Variants in MTCH2 observed in about 807,000 individuals in gnomAD.
MTCH2 encodes mitochondrial carrier 2.
In MTCH2, 25 loss-of-function variants were observed where a neutral mutation model predicts 50.6. The observed-to-expected ratio is 0.49, with a 90% CI of 0.36 to 0.69. MTCH2 has a LOEUF of 0.69. MTCH2 is among the 30% of genes least tolerant of loss of function. The probability of loss-of-function intolerance (pLI) is 0.00; values close to 1 mark genes in which losing one functional copy is unlikely to be tolerated. For synonymous variants in MTCH2, 106 were observed against 132.0 expected, an observed-to-expected ratio of 0.80 and a Z score of 1.35; for missense variants, 273 against 384.4, an observed-to-expected ratio of 0.71 and a Z score of 2.42.
At chr11:47,641,526 G>A (rs1271643596) in intron 1 of MTCH2, among the ~76,000 whole-genome samples, 1 of 152,038 alleles carries the variant, frequency 6.6e-6, no homozygotes, top group Non-Finnish European at 1.5e-5. Context: ...TCAACTCTCA[G>A]TAAAAGCATA....
downstream of MTCH2, among the ~76,000 whole-genome samples, chr11:47,615,863 A>T (rs531983244): frequency 6.6e-6 from 1 of 151,502 alleles, no homozygotes; most frequent in Admixed American, 6.6e-5. Context: ...TGACCTCATG[A>T]TCCACCCGCC....
downstream of MTCH2, among the ~76,000 whole-genome samples, chr11:47,614,490 C>T (rs766451849): frequency 4.6e-5 from 7 of 151,950 alleles, no homozygotes; most frequent in Admixed American, 1.3e-4. Flanking sequence ...TTTTTTGAGA[C>T]GGAGTTTTGC....
chr11:47,633,553 T>TTTTTTTTTTGTG (rs2097305660), intron 5 of MTCH2, among the ~76,000 whole-genome samples: 1 of 121,816 alleles, frequency 8.2e-6, no homozygotes, highest in African/African-American at 3.2e-5. Flanking sequence ...TTTTTTTTCT[T>TTTTTTTTTTGTG]GAGATGGAGT....
At chr11:47,632,846 A>G (rs985888890) in intron 5 of MTCH2, among the ~76,000 whole-genome samples, 2 of 150,510 alleles carry the variant, frequency 1.3e-5, no homozygotes, top group Non-Finnish European at 3.0e-5. Context: ...TTACAGGCAC[A>G]CACCACCATG....
the MTCH2 span, among the ~76,000 whole-genome samples, chr11:47,607,525 G>C: frequency 6.6e-6 from 1 of 152,148 alleles, no homozygotes; most frequent in Non-Finnish European, 1.5e-5. Context: ...TACCCCTTCA[G>C]ATGGGCCTGT....
chr11:47,627,039 C>T, intron 10 of MTCH2, 41 bp downstream of exon 10: 1 of 1,474,066 alleles, frequency 6.8e-7, no homozygotes, highest in Non-Finnish European at 9.3e-7. Flanking sequence ...AAACAAAACA[C>T]AACTATTCCT....
chr11:47,621,474 C>T (rs2097293169), intron 12 of MTCH2, among the ~76,000 whole-genome samples: 1 of 151,744 alleles, frequency 6.6e-6, no homozygotes, highest in African/African-American at 2.4e-5. Flanking sequence ...GCTCTGTCAC[C>T]CAGGCTGGAG....
At chr11:47,640,184 C>T (rs1380776221) in intron 1 of MTCH2, among the ~76,000 whole-genome samples, 1 of 151,946 alleles carries the variant, frequency 6.6e-6, no homozygotes, top group East Asian at 2.0e-4. Flanking sequence ...CAAAAATTAG[C>T]CAGGTGTGGT....
At chr11:47,605,904 C>T in the MTCH2 span, among the ~76,000 whole-genome samples, 3 of 152,296 alleles carry the variant, frequency 2.0e-5, no homozygotes, top group South Asian at 6.2e-4. Context: ...GAAGATACCA[C>T]TTATTTTTCT....
the MTCH2 span, among the ~76,000 whole-genome samples, chr11:47,609,540 T>A: frequency 7.8e-6 from 1 of 128,514 alleles, no homozygotes; most frequent in Non-Finnish European, 1.6e-5. Flanking sequence ...GGCAGGAGAA[T>A]CACTTGAACC....
the MTCH2 span, among the ~76,000 whole-genome samples, chr11:47,610,237 A>G: frequency 6.6e-6 from 1 of 152,336 alleles, no homozygotes; most frequent in East Asian, 1.9e-4. Context: ...AAGAAAGGTT[A>G]GGACAGTAAG....
At chr11:47,610,987 C>T in the MTCH2 span, among the ~76,000 whole-genome samples, 1 of 152,204 alleles carries the variant, frequency 6.6e-6, no homozygotes, top group Non-Finnish European at 1.5e-5. Flanking sequence ...CTTTGTAGAA[C>T]CATCATCAGA....
At chr11:47,630,670 C>T (rs2097302223) in intron 7 of MTCH2, 56 bp from the exon 8 acceptor site, 1 of 1,494,694 alleles carries the variant, frequency 6.7e-7, no homozygotes, top group Non-Finnish European at 9.3e-7. Context: ...GAGCTATAAA[C>T]AAAATAATTT....
At chr11:47,633,349 A>G (rs1237054562) in intron 5 of MTCH2, among the ~76,000 whole-genome samples, 1 of 149,024 alleles carries the variant, frequency 6.7e-6, no homozygotes, top group Non-Finnish European at 1.5e-5. Context: ...TGACTTCGTG[A>G]TCTGCCCGCC....
downstream of MTCH2, among the ~76,000 whole-genome samples, chr11:47,616,217 GC>G (rs2153797747): frequency 6.6e-6 from 1 of 151,494 alleles, no homozygotes; most frequent in East Asian, 2.0e-4. Flanking sequence ...GTGATCCACT[GC>G]CCCCAGCCCA....
intron 3 of MTCH2, among the ~76,000 whole-genome samples, chr11:47,636,726 C>CT (rs2097308945): frequency 2.6e-5 from 4 of 151,310 alleles, no homozygotes. Flanking sequence ...GAGTGAAACT[C>CT]TGTCTCAAAA....
chr11:47,612,365 A>G (rs2097286096), downstream of MTCH2, among the ~76,000 whole-genome samples: 1 of 152,120 alleles, frequency 6.6e-6, no homozygotes, highest in South Asian at 2.1e-4. Context: ...CAGGAGATCA[A>G]GACCATCCTG....
intron 5 of MTCH2, among the ~76,000 whole-genome samples, chr11:47,633,514 ATATATATATATATTTTTT>A (rs1292433226): frequency 6.0e-5 from 1 of 16,572 alleles, no homozygotes; most frequent in Admixed American, 1.0e-3. Context: ...GAATATATAT[ATATATATATATATTTTTT>A]TTTTTTTTTT....
intron 5 of MTCH2, among the ~76,000 whole-genome samples, chr11:47,632,666 C>T (rs2097304205): frequency 6.6e-6 from 1 of 151,064 alleles, no homozygotes; most frequent in Non-Finnish European, 1.5e-5. Context: ...CCGGCTTTTG[C>T]ATTTAAACAG....
Sources: allele counts gnomAD v4.1 joint callset (sites outside exome capture counted in the v4.1 genomes callset), GRCh38; gene constraint gnomAD v4.1.1; transcripts MANE v1.5; gene names NCBI Gene and HGNC (gene_info 2026-07-23, HGNC 2026-07-21).